Variants in CATSPERD observed in about 807,000 individuals in gnomAD.
CATSPERD encodes the protein catsper channel auxiliary subunit delta.
Under a neutral mutation model 98.1 loss-of-function variants are expected in CATSPERD, and 86 were observed. That is an observed-to-expected ratio of 0.88 (90% CI 0.74 to 1.05). CATSPERD has a LOEUF of 1.05. Ranked by LOEUF, CATSPERD falls within the 50% of genes least tolerant of loss-of-function variation. The probability of loss-of-function intolerance (pLI) is 0.00; values close to 1 mark genes in which losing one functional copy is unlikely to be tolerated. For synonymous variants in CATSPERD, 394 were observed against 390.2 expected (o/e 1.01, Z -0.12); for missense variants, 995 against 1,005.7 (o/e 0.99, Z 0.14).
intron 7 of CATSPERD, among the ~76,000 whole-genome samples, chr19:5,740,952 G>A (rs1327943220): frequency 6.6e-6 from 1 of 151,708 alleles, no homozygotes; most frequent in Non-Finnish European, 1.5e-5. Flanking sequence ...GGGCATGGTG[G>A]TGCATGCCTG....
At chr19:5,732,400 A>G (rs2055743708) in intron 4 of CATSPERD, among the ~76,000 whole-genome samples, 1 of 151,728 alleles carries the variant, frequency 6.6e-6, no homozygotes, top group African/African-American at 2.4e-5. Context: ...GAACCAACCA[A>G]CTATTGCTGG....
intron 21 of CATSPERD, 122 bp from the exon 22 acceptor site, chr19:5,778,254 T>C (rs2056768093): frequency 2.8e-6 from 2 of 720,814 alleles, no homozygotes; most frequent in East Asian, 2.7e-5. Flanking sequence ...GAAGTGGGTA[T>C]ACCCGGTCAC....
Position 5,772,819 on chromosome 19 carries a change from G to C in CATSPERD, c.1795G>C (p.Asp599His). The part of the protein sequence containing the change: ...WRKDSFQEVI[D>H]AEYVLLEVNG... ...AAAAGACAGTTTCCAGGAGGTCATC[G>C]ACGCCGAGTATGTGTTACTGGAGGT... Residue 599 changes from aspartate to histidine, a missense_variant, in exon 20 of 22, where the codon GAC becomes CAC. Asp to His is a moderately conservative substitution (Grantham distance 81). Around this residue, in one of 3 missense-constraint regions of CATSPERD, gnomAD observed 762 missense variants for 773.7 expected, o/e 0.98. Transcript: ENST00000381624. 6.2e-7 allele frequency: 1 copy of C among 1,613,906 alleles called. No homozygotes were observed. The highest frequency in any genetic ancestry group is 8.5e-7 in the Non-Finnish European group (1 of 1,179,880).
chr19:5,752,996 C>T (rs2145789652), intron 12 of CATSPERD, among the ~76,000 whole-genome samples: 1 of 150,754 alleles, frequency 6.6e-6, no homozygotes, highest in Middle Eastern at 3.4e-3. Context: ...CCACTGCACT[C>T]CAGCCTGGGT....
intron 13 of CATSPERD, among the ~76,000 whole-genome samples, chr19:5,756,440 C>T (rs7249752): frequency 0.83 from 125,650 of 152,138 alleles, 51,989 homozygotes; most frequent in Non-Finnish European, 0.85. Flanking sequence ...CCGAAAGCCA[C>T]TGAATTATAC....
chr19:5,731,973 G>A (rs562564751), intron 4 of CATSPERD, among the ~76,000 whole-genome samples: 3 of 151,552 alleles, frequency 2.0e-5, no homozygotes, highest in Non-Finnish European at 2.9e-5. Flanking sequence ...ATTTGATTTT[G>A]TGGTTTTTGT....
intron 1 of CATSPERD, among the ~76,000 whole-genome samples, chr19:5,723,055 C>T (rs1426065065): frequency 2.7e-5 from 4 of 150,788 alleles, no homozygotes; most frequent in Admixed American, 6.6e-5. Context: ...GGTGTGGTGG[C>T]GGGCGCTTGT....
rs780715264 is a variant in CATSPERD at position 5,766,162 on chromosome 19, A to T, written c.1559+7A>T. On this transcript the variant is annotated splice_region_variant and intron_variant, in intron 17 of 21. Transcript: ENST00000381624. ...AAAAGATCGTCATCCAGAAGTAAGT[A>T]TGTTGAGGCCGGGCACCATGGCTCA... 1.3e-4 allele frequency: 207 copies of T among 1,612,008 alleles called. 1 individual carries two copies. The Admixed American group carries it at 3.4e-3, about 27-fold the overall frequency.
chr19:5,773,794 G>C (rs2056692728), intron 20 of CATSPERD, among the ~76,000 whole-genome samples: 3 of 149,600 alleles, frequency 2.0e-5, no homozygotes, highest in African/African-American at 7.4e-5. Context: ...ATAGGTATAA[G>C]TCACCACGCT....
chr19:5,741,512 A>G (rs1048419767), intron 7 of CATSPERD, among the ~76,000 whole-genome samples: 1 of 152,058 alleles, frequency 6.6e-6, no homozygotes, highest in Admixed American at 6.6e-5. Flanking sequence ...AGAACCAACG[A>G]ACAGTGCTCT....
At chr19:5,742,123 T>C (rs551411533) in intron 7 of CATSPERD, among the ~76,000 whole-genome samples, 1 of 150,146 alleles carries the variant, frequency 6.7e-6, no homozygotes, top group Non-Finnish European at 1.5e-5. Context: ...ATAGCGTTTG[T>C]GTGTGCGTGT....
chr19:5,732,963 C>T (rs2055756980), intron 4 of CATSPERD, among the ~76,000 whole-genome samples: 1 of 151,924 alleles, frequency 6.6e-6, no homozygotes, highest in African/African-American at 2.4e-5. Context: ...AGGCGTGAGC[C>T]ACCATGCTCG....
At chr19:5,760,979 C>T (rs2056422384) in intron 15 of CATSPERD, among the ~76,000 whole-genome samples, 1 of 151,472 alleles carries the variant, frequency 6.6e-6, no homozygotes, top group Admixed American at 6.6e-5. Context: ...TGAAAGCCTT[C>T]TATCGAGTTT....
At chr19:5,747,583 C>T (rs776366571) in intron 9 of CATSPERD, among the ~76,000 whole-genome samples, 7 of 150,396 alleles carry the variant, frequency 4.7e-5, no homozygotes, top group South Asian at 2.1e-4. Flanking sequence ...AGAAGATTAA[C>T]GGGGATCTGG....
At chr19:5,733,461 A>C (rs1188079538) in intron 4 of CATSPERD, among the ~76,000 whole-genome samples, 7 of 96,590 alleles carry the variant, frequency 7.2e-5, no homozygotes, top group African/African-American at 8.2e-5. Flanking sequence ...CTCTCTCTCT[A>C]TTTCTTTTCT....
intron 19 of CATSPERD, chr19:5,772,149 G>A: frequency 2.4e-6 from 1 of 409,038 alleles, no homozygotes; most frequent in South Asian, 1.7e-5. Flanking sequence ...CCAGGCTCAA[G>A]CGGTCCTCCT....
chr19:5,758,113 G>A (rs1388727775), intron 14 of CATSPERD, among the ~76,000 whole-genome samples, 181 bp downstream of exon 14: 2 of 152,124 alleles, frequency 1.3e-5, no homozygotes, highest in East Asian at 1.9e-4. Context: ...AGTGTCACAC[G>A]GGAGAGACCC....
intron 15 of CATSPERD, among the ~76,000 whole-genome samples, chr19:5,762,856 A>G (rs900572371): frequency 6.6e-6 from 1 of 151,000 alleles, no homozygotes; most frequent in Non-Finnish European, 1.5e-5. Flanking sequence ...GGATGGATGG[A>G]TGGATAGGTG....
chr19:5,778,526 A>G lies in CATSPERD; in HGVS notation c.2247A>G (p.Thr749=). The G allele has an allele frequency of 6.2e-7, 1 of 1,614,016 alleles. No individual in the cohort carries two copies. The highest frequency in any genetic ancestry group is 8.5e-7 in the Non-Finnish European group (1 of 1,180,034). Residue 749 remains threonine (T), a synonymous_variant, in exon 22 of 22, where the codon ACA becomes ACG. Transcript: ENST00000381624. ...LAYKTPKLLR[T]ARGRRIKKCA... The stretch of plus-strand genomic sequence containing the variant: ...ACAAGACCCCCAAGCTGCTACGCAC[A>G]GCACGCGGCCGCAGGATCAAGAAGT...
Sources: allele counts gnomAD v4.1 joint callset (sites outside exome capture counted in the v4.1 genomes callset), GRCh38; gene constraint gnomAD v4.1.1; regional missense constraint gnomAD v4.1.1; transcripts MANE v1.5; gene names NCBI Gene and HGNC (gene_info 2026-07-23, HGNC 2026-07-21).